Variants in ARAP1 observed in about 807,000 individuals in gnomAD.
ARAP1 encodes the protein arf-GAP with Rho-GAP domain, ANK repeat and PH domain-containing protein 1.
ARAP1 carries 76 observed loss-of-function variants against 172.2 expected under a neutral mutation model. That is an observed-to-expected ratio of 0.44 (90% CI 0.37 to 0.53). The LOEUF (loss-of-function observed/expected upper bound fraction) is 0.53. ARAP1 is among the 20% of genes least tolerant of loss of function. ARAP1 has a pLI of 0.00. For missense variants in ARAP1, 1,686 were observed against 1,977.5 expected, an observed-to-expected ratio of 0.85 and a Z score of 2.80; for synonymous variants, 804 against 803.3, an observed-to-expected ratio of 1.00 and a Z score of -0.01.
chr11:72,719,732 A>C (rs987702913), intron 3 of ARAP1, among the ~76,000 whole-genome samples: 9 of 152,172 alleles, frequency 5.9e-5, no homozygotes, highest in African/African-American at 2.2e-4. Flanking sequence ...AAGGAAGGCC[A>C]CAGAGTGGAG....
intron 30 of ARAP1, 50 bp from the exon 31 acceptor site, chr11:72,688,587 T>G (rs1413102580): frequency 6.6e-7 from 1 of 1,513,190 alleles, no homozygotes; most frequent in Non-Finnish European, 9.1e-7. Context: ...GAAAGGGCAC[T>G]GGGGCCGCTC....
At chr11:72,718,298 GC>G (rs1857368902) in intron 3 of ARAP1, among the ~76,000 whole-genome samples, 1 of 151,114 alleles carries the variant, frequency 6.6e-6, no homozygotes, top group Non-Finnish European at 1.5e-5. Context: ...CCCACAGAAT[GC>G]CCCCGCCATA....
intron 7 of ARAP1, among the ~76,000 whole-genome samples, chr11:72,711,804 TC>T (rs1857024747): frequency 6.6e-6 from 1 of 151,210 alleles, no homozygotes; most frequent in Admixed American, 6.6e-5. Context: ...CAAGTGCTTC[TC>T]CCACCTCAGT....
rs1214366352 is a variant in ARAP1 at position 72,693,378 on chromosome 11, C to T, written c.3901G>A (p.Asp1301Asn). The change falls in exon 29 of 35, where the codon GAT becomes AAT. Residue 1301 changes from aspartate to asparagine, a missense_variant. By Grantham distance (23) the Asp-to-Asn change is conservative (BLOSUM62 1). Coordinates refer to ENST00000393609, the MANE Select transcript of ARAP1 (RefSeq NM_001040118.3). The surrounding 1 kb of genome is among the most constrained non-coding windows in gnomAD (Gnocchi z 4.6). ...GLGLPSGGFH[D>N]RYFILNSSCL... is the part of the protein sequence containing the mutation. ...CTGCTGTTGAGGATGAAGTAGCGAT[C>T]GTGGAAGCCACCTGAGGGCAGGCCC... The T allele has an allele frequency of 2.5e-6, 4 of 1,613,788 alleles. No homozygotes were observed. The highest frequency in any genetic ancestry group is 1.3e-5 in the African/African-American group (1 of 74,890).
rs1430851618 is a variant in ARAP1 at position 72,685,671 on chromosome 11, T to A, written c.4346A>T (p.Asn1449Ile). ...FTADPLSLLRNV is the reference protein window; with the variant it reads ...FTADPLSLLRIV ...AAGGATGGGCTCCTGTGCTCAGACG[T>A]TGCGCAGAAGCTGCAGGAAGGCAAG... Residue 1449 changes from asparagine to isoleucine, a missense_variant, in exon 35 of 35, where the codon AAC (asparagine) becomes ATC (isoleucine). This residue lies in a region of ARAP1 where 379 missense variants were observed against 500.1 expected (regional missense o/e 0.76). Transcript: ENST00000393609. 6.2e-7 allele frequency: 1 copy of A among 1,613,890 alleles called. No homozygotes were observed. The highest frequency in any genetic ancestry group is 8.5e-7 in the Non-Finnish European group (1 of 1,179,890).
Position 72,739,944 on chromosome 11 carries a change from T to G in ARAP1, c.-127-7347A>C, listed in dbSNP as rs75069950. On this transcript the variant is annotated intron_variant, in intron 1 of 34. Transcript: ENST00000393609. The stretch of plus-strand genomic sequence containing the variant: ...ACTTCACGGCATTCTGGACCTCCCC[T>G]GGAATGCCCTGGCATGGCACACTCC... Among the ~76,000 whole-genome samples the G allele has an allele frequency of 8.0e-3, 1,214 of 152,250 alleles. 18 individuals are homozygous for G. The highest frequency in any genetic ancestry group is 0.027 in the African/African-American group (1,141 of 41,526).
chr11:72,696,946 G>A, intron 22 of ARAP1, 37 bp downstream of exon 22: 1 of 1,564,296 alleles, frequency 6.4e-7, no homozygotes. Context: ...GGGATGGGTG[G>A]AGGAGGAGGA....
Position 72,686,103 on chromosome 11 carries a change from A to G in ARAP1, c.4274T>C (p.Leu1425Pro). Residue 1425 changes from leucine to proline, a missense_variant, in exon 34 of 35, where the codon CTT (leucine) becomes CCT (proline). Leu to Pro is a moderately conservative substitution (Grantham distance 98). Transcript: ENST00000393609. The part of the protein sequence containing the change: ...VRLGSVSLIP[L>P]RGSENEMRRS... ...GCGCATTTCATTTTCACTACCTCGA[A>G]GGGGGATCAGTGACACACTACCCAG... 1 of 1,614,068 alleles carries G rather than the reference A, an allele frequency of 6.2e-7. No homozygotes were observed.
At chr11:72,716,464 AC>A (rs1392453388) in intron 3 of ARAP1, among the ~76,000 whole-genome samples, 3 of 152,256 alleles carry the variant, frequency 2.0e-5, no homozygotes, top group African/African-American at 7.2e-5. Flanking sequence ...TTACCAGGCA[AC>A]CACTGCCTTT....
rs757544536 is a variant in ARAP1, at chr11:72,697,015, C to T, written c.3134G>A (p.Arg1045His). The T allele has an allele frequency of 6.8e-6, 11 of 1,608,676 alleles. No individual in the cohort carries two copies. Among genetic ancestry groups the T allele is most frequent in the Non-Finnish European group, 6.8e-6 (8 of 1,179,874 alleles). Residue 1045 changes from arginine (R) to histidine (H), a missense_variant, in exon 22 of 35, where the codon CGC (arginine) becomes CAC (histidine). Physicochemically the swap from Arg to His is conservative, Grantham distance 29 (BLOSUM62 0). Coordinates refer to ENST00000393609, the MANE Select transcript of ARAP1 (RefSeq NM_001040118.3). ...LRDLPDGLFT[R>H]AQRLTWLEAS... ...CTCCAGCCAGGTTAGGCGCTGGGCG[C>T]GAGTGAAGAGCCCATCAGGCAGGTC... is the stretch of plus-strand genomic sequence containing the variant.
chr11:72,728,274 T>C (rs753820537), intron 2 of ARAP1, among the ~76,000 whole-genome samples: 5 of 152,192 alleles, frequency 3.3e-5, no homozygotes, highest in African/African-American at 4.8e-5. Context: ...AAGACTTTAG[T>C]AAGACAGTTG....
chr11:72,701,564 A>C, intron 16 of ARAP1, 85 bp downstream of exon 16: 1 of 1,521,556 alleles, frequency 6.6e-7, no homozygotes, highest in African/African-American at 1.4e-5. Flanking sequence ...GCCAGAGTCC[A>C]CCAGTCTGGC....
rs762315300 is a variant in ARAP1 at position 72,712,565 on chromosome 11, C to T, written c.751G>A (p.Glu251Lys). ...APARVMTKKE[E>K]PPPSRVPRAV... ...CGTGGGACTCGGCTCGGTGGGGGCT[C>T]CTCCTGCCCCCGAGACCCACTCAGC... Residue 251 changes from glutamate (E) to lysine (K), a missense_variant, in exon 6 of 35, where the codon GAG (glutamate) becomes AAG (lysine). By Grantham distance (56) the Glu-to-Lys change is moderately conservative. Around this residue, in one of 5 missense-constraint regions of ARAP1, gnomAD observed 155 missense variants for 129.2 expected, o/e 1.20. Coordinates refer to ENST00000393609, the MANE Select transcript of ARAP1 (RefSeq NM_001040118.3). 2.5e-6 allele frequency: 4 copies of T among 1,612,194 alleles called. No homozygotes were observed. Among genetic ancestry groups the T allele is most frequent in the Non-Finnish European group, 3.4e-6 (4 of 1,179,902 alleles).
intron 3 of ARAP1, among the ~76,000 whole-genome samples, chr11:72,716,093 A>C (rs1857257577): frequency 6.6e-6 from 1 of 150,444 alleles, no homozygotes; most frequent in Non-Finnish European, 1.5e-5. Context: ...GAACAGCATG[A>C]ACCCGGGAGG....
intron 3 of ARAP1, among the ~76,000 whole-genome samples, chr11:72,718,572 G>C (rs1234287729): frequency 3.3e-5 from 5 of 151,806 alleles, no homozygotes; most frequent in Non-Finnish European, 7.4e-5. Context: ...TTCTCCCACA[G>C]AGCTGCTCCC....
intron 1 of ARAP1, among the ~76,000 whole-genome samples, chr11:72,744,646 G>A (rs1858299507): frequency 6.6e-6 from 1 of 152,244 alleles, no homozygotes; most frequent in African/African-American, 2.4e-5. Context: ...CCCCGAGCCT[G>A]AGCTCAGATA....
At chr11:72,732,225 C>T (rs1431203664) in intron 2 of ARAP1, among the ~76,000 whole-genome samples, 1 of 152,132 alleles carries the variant, frequency 6.6e-6, no homozygotes, top group Admixed American at 6.5e-5. Flanking sequence ...ACTTGCCAGG[C>T]AGGGAGGGGA....
chr11:72,697,783 A>G, intron 19 of ARAP1, 128 bp downstream of exon 19: 2 of 1,508,744 alleles, frequency 1.3e-6, no homozygotes, highest in Admixed American at 2.0e-5. Context: ...CACCCCAAGG[A>G]CATGAGAGGG....
chr11:72,722,921 G>C (rs1310278187), intron 3 of ARAP1, among the ~76,000 whole-genome samples: 1 of 152,126 alleles, frequency 6.6e-6, no homozygotes, highest in African/African-American at 2.4e-5. Flanking sequence ...GCAGGGTCTG[G>C]GCACCGGCTT....
Sources: gnomAD v4.1 joint callset for allele counts (sites outside exome capture counted in the v4.1 genomes callset) on GRCh38, gnomAD v4.1.1 for gene constraint, gnomAD v4.1.1 regional missense constraint, Gnocchi (gnomAD v3.1) non-coding constraint, MANE v1.5 for transcripts, NCBI Gene and HGNC (gene_info 2026-07-23, HGNC 2026-07-21) for gene names.